Variants in NAALADL2 observed in about 807,000 individuals in gnomAD.
NAALADL2 encodes the protein inactive N-acetylated-alpha-linked acidic dipeptidase-like protein 2.
NAALADL2 carries 76 observed loss-of-function variants against 87.2 expected under a neutral mutation model. The observed-to-expected ratio is 0.87, with a 90% CI of 0.72 to 1.05. NAALADL2 has a LOEUF of 1.05. NAALADL2 is among the 50% of genes least tolerant of loss of function. NAALADL2 has a pLI of 0.00. For synonymous variants in NAALADL2, 354 were observed against 331.0 expected (o/e 1.07, Z -0.75); for missense variants, 1,089 against 945.8 (o/e 1.15, Z -1.99).
intron 3 of NAALADL2, among the ~76,000 whole-genome samples, chr3:174,842,286 G>GGA: frequency 6.6e-6 from 1 of 152,154 alleles, no homozygotes; most frequent in East Asian, 1.9e-4. Flanking sequence ...CCTGGCCTCA[G>GGA]GTGATCCACT....
At chr3:175,323,013 A>T (rs1452981085) in intron 4 of NAALADL2, among the ~76,000 whole-genome samples, 2 of 151,520 alleles carry the variant, frequency 1.3e-5, no homozygotes, top group Non-Finnish European at 2.9e-5. Flanking sequence ...ACTATAAATC[A>T]TGCTGCTATA....
intron 1 of NAALADL2, among the ~76,000 whole-genome samples, chr3:175,086,361 G>C (rs1306238381): frequency 6.6e-6 from 1 of 151,922 alleles, no homozygotes; most frequent in Non-Finnish European, 1.5e-5. Flanking sequence ...TAATGAGAAA[G>C]GCTGAAGGGA....
At chr3:175,554,270 C>A (rs1310910052) in intron 9 of NAALADL2, among the ~76,000 whole-genome samples, 1 of 152,076 alleles carries the variant, frequency 6.6e-6, no homozygotes, top group Non-Finnish European at 1.5e-5. Context: ...TTTTTCAGTT[C>A]TATTCTGAAT....
At position 175,492,123 on chromosome 3, in the gene NAALADL2, G is replaced by A. The variant is rs143600960; in HGVS notation, c.1653+20365G>A. Among the ~76,000 whole-genome samples, 20 of 152,162 alleles carry A rather than the reference G, an allele frequency of 1.3e-4. No homozygotes were observed. In the South Asian group the frequency reaches 2.1e-3, roughly 16 times the overall value. ...AGAATTTTTTCAAAAGAATTTCCACGGTAAAATGTTCTTTTTAGTTTTGAC... is the reference window on the plus strand; with the variant it reads ...AGAATTTTTTCAAAAGAATTTCCACAGTAAAATGTTCTTTTTAGTTTTGAC... On this transcript the variant is annotated intron_variant, in intron 9 of 13. Coordinates refer to ENST00000454872, the MANE Select transcript of NAALADL2 (RefSeq NM_207015.3).
chr3:175,705,624 T>A (rs978668277), intron 11 of NAALADL2, among the ~76,000 whole-genome samples: 7 of 152,100 alleles, frequency 4.6e-5, no homozygotes, highest in Non-Finnish European at 1.5e-5. Flanking sequence ...TTATATTTTA[T>A]AGGTATTTTG....
intron 2 of NAALADL2, among the ~76,000 whole-genome samples, chr3:174,717,833 G>A (rs1022491419): frequency 6.6e-6 from 1 of 152,014 alleles, no homozygotes; most frequent in African/African-American, 2.4e-5. Flanking sequence ...TTTACAAGAA[G>A]TTTCCTCCTT....
chr3:174,917,434 T>C (rs929654735), intron 1 of NAALADL2, among the ~76,000 whole-genome samples: 4 of 152,166 alleles, frequency 2.6e-5, no homozygotes, highest in Non-Finnish European at 4.4e-5. Context: ...TGAGTATAAA[T>C]GTAGTGTAAC....
intron 1 of NAALADL2, among the ~76,000 whole-genome samples, chr3:174,891,056 A>G (rs1329937938): frequency 6.6e-6 from 1 of 152,146 alleles, no homozygotes; most frequent in Non-Finnish European, 1.5e-5. Flanking sequence ...AAATATTGTA[A>G]ATGAATTCCA....
At chr3:175,509,291 T>G (rs1000682765) in intron 9 of NAALADL2, among the ~76,000 whole-genome samples, 1 of 152,208 alleles carries the variant, frequency 6.6e-6, no homozygotes, top group Admixed American at 6.5e-5. Flanking sequence ...CCACAAGACC[T>G]GGTCCTACTC....
chr3:174,697,227 A>T (rs974281360), intron 2 of NAALADL2, among the ~76,000 whole-genome samples: 6 of 152,176 alleles, frequency 3.9e-5, no homozygotes, highest in Admixed American at 1.3e-4. Flanking sequence ...TTCTGGGAAG[A>T]TAATAGGACA....
intron 1 of NAALADL2, among the ~76,000 whole-genome samples, chr3:174,529,997 A>G (rs2108438000): frequency 6.6e-6 from 1 of 152,254 alleles, no homozygotes; most frequent in South Asian, 2.1e-4. Context: ...TACTTAACAC[A>G]AATTTCTGCA....
At chr3:175,618,638 G>A (rs867271536) in intron 10 of NAALADL2, among the ~76,000 whole-genome samples, 19 of 152,184 alleles carry the variant, frequency 1.2e-4, no homozygotes, top group Middle Eastern at 6.8e-3. Flanking sequence ...TCCCTTAGTC[G>A]CCTTCCTCCT....
chr3:175,554,200 G>C (rs1381970579), intron 9 of NAALADL2, among the ~76,000 whole-genome samples: 2 of 152,092 alleles, frequency 1.3e-5, no homozygotes, highest in Non-Finnish European at 2.9e-5. Flanking sequence ...AGTACAAGAG[G>C]AGACTTGTGA....
At chr3:175,639,196 G>A (rs1002255423) in intron 11 of NAALADL2, among the ~76,000 whole-genome samples, 1 of 151,958 alleles carries the variant, frequency 6.6e-6, no homozygotes, top group African/African-American at 2.4e-5. Context: ...CAGGAATTAA[G>A]CCCTTCAGGG....
At chr3:175,798,947 C>A (rs1753812106) in intron 13 of NAALADL2, among the ~76,000 whole-genome samples, 1 of 151,944 alleles carries the variant, frequency 6.6e-6, no homozygotes, top group Admixed American at 6.6e-5. Context: ...TTGGGTTTTG[C>A]AGATGGGGAA....
intron 1 of NAALADL2, among the ~76,000 whole-genome samples, chr3:174,872,742 A>G (rs1177338411): frequency 6.6e-6 from 1 of 151,896 alleles, no homozygotes; most frequent in Non-Finnish European, 1.5e-5. Flanking sequence ...ATACACACAC[A>G]CACACACACA....
At chr3:174,560,797 T>C (rs1430548826) in intron 2 of NAALADL2, among the ~76,000 whole-genome samples, 2 of 152,198 alleles carry the variant, frequency 1.3e-5, no homozygotes, top group Non-Finnish European at 2.9e-5. Context: ...TGTGATTTTT[T>C]ATTTGGTATC....
rs556763870 is a variant in NAALADL2, at chr3:174,907,249, T to A, written c.43+47799T>A. 4.7e-4 allele frequency among the ~76,000 whole-genome samples: 71 copies of A among 152,130 alleles called. 1 individual carries two copies. The highest frequency in any genetic ancestry group is 6.8e-3 in the Middle Eastern group (2 of 294). On this transcript the variant is annotated intron_variant, in intron 1 of 13. Coordinates refer to ENST00000454872, the MANE Select transcript of NAALADL2 (RefSeq NM_207015.3). ...GAGATCAGCCCTTTTGTTTTATGGA[T>A]GAGTAATCTTAGATCTAAAAAAAGA... is the stretch of plus-strand genomic sequence containing the variant.
Position 175,590,068 on chromosome 3 carries a change from C to T in NAALADL2, c.1800+13881C>T, listed in dbSNP as rs974549484. On this transcript the variant is annotated intron_variant, in intron 10 of 13. Coordinates refer to ENST00000454872, the MANE Select transcript of NAALADL2 (RefSeq NM_207015.3). ...TCTCCTAAAAATACAAAAAATTAGC[C>T]GGGCGTGGTGGCGGGCGACTGTAAT... Among the ~76,000 whole-genome samples the T allele has an allele frequency of 1.8e-4, 27 of 151,928 alleles. No individual in the cohort carries two copies. In the East Asian group the frequency reaches 3.9e-3, roughly 22 times the overall value.
Sources: gnomAD v4.1 joint callset for allele counts (sites outside exome capture counted in the v4.1 genomes callset) on GRCh38, gnomAD v4.1.1 for gene constraint, MANE v1.5 for transcripts, NCBI Gene and HGNC (gene_info 2026-07-23, HGNC 2026-07-21) for gene names.